The following CNTN5 variants were observed in gnomAD, a reference collection of about 807,000 sequenced individuals.
The protein encoded by CNTN5 is contactin 5, also known as contactin-5.
In CNTN5, 77 loss-of-function variants were observed where a neutral mutation model predicts 129.1. The ratio of observed to expected loss-of-function variants is 0.60; its 90% confidence interval spans 0.50 to 0.72. The LOEUF (loss-of-function observed/expected upper bound fraction) is 0.72. Among genes scored for constraint, CNTN5 ranks in the 30% least tolerant of loss-of-function variants. The pLI is 0.00. For synonymous variants in CNTN5, 509 were observed against 465.6 expected, an observed-to-expected ratio of 1.09 and a Z score of -1.20; for missense variants, 1,478 against 1,328.8, an observed-to-expected ratio of 1.11 and a Z score of -1.75.
At chr11:100,309,689 G>A in intron 21 of CNTN5, 1 of 984,810 alleles carries the variant, frequency 1.0e-6, no homozygotes, top group Non-Finnish European at 1.2e-6. Flanking sequence ...CAATAAATAT[G>A]TTGAATGAAT....
intron 2 of CNTN5, among the ~76,000 whole-genome samples, chr11:99,533,054 C>T (rs961583576): frequency 3.3e-5 from 5 of 152,198 alleles, no homozygotes; most frequent in African/African-American, 1.2e-4. Flanking sequence ...AAAACCACAT[C>T]TCTATCAAAA....
intron 2 of CNTN5, among the ~76,000 whole-genome samples, chr11:99,455,507 G>A (rs1408360445): frequency 1.3e-5 from 2 of 152,058 alleles, no homozygotes; most frequent in Non-Finnish European, 2.9e-5. Context: ...GCCTGGGGCA[G>A]ATATTGAGGA....
chr11:100,210,347 C>CAAA (rs374618789), intron 15 of CNTN5, among the ~76,000 whole-genome samples: 7 of 80,838 alleles, frequency 8.7e-5, no homozygotes, highest in South Asian at 4.6e-4. Context: ...GAGACTATCT[C>CAAA]AAAAAAAAAA....
chr11:99,404,479 A>G (rs1306269943), intron 2 of CNTN5, among the ~76,000 whole-genome samples: 2 of 134,060 alleles, frequency 1.5e-5, no homozygotes, highest in Non-Finnish European at 1.5e-5. Context: ...CTTTGGTGCT[A>G]TGACTTAGTT....
rs77334912 is a variant in CNTN5, at chr11:99,126,427, G to A, written c.-210+105157G>A. 8.4e-3 allele frequency among the ~76,000 whole-genome samples: 1,286 copies of A among 152,262 alleles called. 22 individuals carry two copies. The highest frequency in any genetic ancestry group is 0.029 in the African/African-American group (1,194 of 41,546). ...TTAGGAGTGTGACTAAAGTTGAGAGGCAAGAGATACTGCAGAAAATTTGTG... is the reference window on the plus strand; with the variant it reads ...TTAGGAGTGTGACTAAAGTTGAGAGACAAGAGATACTGCAGAAAATTTGTG... On this transcript the variant is annotated intron_variant, in intron 1 of 24. Coordinates refer to ENST00000524871, the MANE Select transcript of CNTN5 (RefSeq NM_014361.4).
chr11:99,320,495 T>C (rs918320447), intron 1 of CNTN5, among the ~76,000 whole-genome samples: 16 of 152,092 alleles, frequency 1.1e-4, no homozygotes, highest in African/African-American at 3.6e-4. Context: ...AGGTGGCATA[T>C]TGAAGCCATG....
At chr11:99,650,842 C>A (rs1370098867) in intron 3 of CNTN5, among the ~76,000 whole-genome samples, 2 of 151,828 alleles carry the variant, frequency 1.3e-5, no homozygotes, top group East Asian at 1.9e-4. Flanking sequence ...AAGCTAAATG[C>A]CCTAATTATT....
chr11:99,584,928 C>T (rs973129778), intron 3 of CNTN5, among the ~76,000 whole-genome samples: 3 of 91,892 alleles, frequency 3.3e-5, no homozygotes, highest in African/African-American at 7.8e-5. Flanking sequence ...AGGGAAACAA[C>T]TAACAAGATC....
intron 3 of CNTN5, among the ~76,000 whole-genome samples, chr11:99,655,952 A>G (rs915627428): frequency 1.3e-5 from 2 of 152,120 alleles, no homozygotes; most frequent in Admixed American, 1.3e-4. Flanking sequence ...ACGTGTATAT[A>G]CACACATATA....
intron 2 of CNTN5, among the ~76,000 whole-genome samples, chr11:99,495,193 C>A (rs1217748582): frequency 6.6e-6 from 1 of 151,954 alleles, no homozygotes; most frequent in Non-Finnish European, 1.5e-5. Flanking sequence ...ATGATGAAAC[C>A]CCGTCTCTAC....
chr11:100,031,189 A>G (rs1363091324), intron 9 of CNTN5, among the ~76,000 whole-genome samples: 3 of 152,226 alleles, frequency 2.0e-5, no homozygotes, highest in African/African-American at 4.8e-5. Flanking sequence ...CCATGAGCAC[A>G]TGAACTTCTA....
At chr11:100,095,013 T>C (rs1196629236) in intron 13 of CNTN5, among the ~76,000 whole-genome samples, 2 of 152,134 alleles carry the variant, frequency 1.3e-5, no homozygotes, top group Non-Finnish European at 2.9e-5. Context: ...GCTAAGCAAA[T>C]ATAAAGCACT....
chr11:99,746,430 T>A (rs1006944842), intron 3 of CNTN5, among the ~76,000 whole-genome samples: 2 of 152,210 alleles, frequency 1.3e-5, no homozygotes, highest in Non-Finnish European at 2.9e-5. Context: ...CTAGTCTACA[T>A]GAAGGGTCCT....
At chr11:99,552,391 T>A (rs1948521730) in intron 2 of CNTN5, among the ~76,000 whole-genome samples, 1 of 152,046 alleles carries the variant, frequency 6.6e-6, no homozygotes, top group African/African-American at 2.4e-5. Context: ...GATATGACAT[T>A]CTAGTAGGAG....
intron 12 of CNTN5, among the ~76,000 whole-genome samples, chr11:100,072,990 C>CAAAAAA (rs61042118): frequency 0.04 from 3,129 of 78,916 alleles, 222 homozygotes; most frequent in Non-Finnish European, 0.046. Flanking sequence ...TCCCAGGAGG[C>CAAAAAA]AAAAAAAAAA....
intron 1 of CNTN5, among the ~76,000 whole-genome samples, chr11:99,047,636 A>C (rs74330006): frequency 0.032 from 4,865 of 152,090 alleles, 149 homozygotes; most frequent in East Asian, 0.099. Flanking sequence ...ACTGAAAATA[A>C]CTCGTTATTA....
At chr11:100,283,763 T>C (rs777014832) in intron 18 of CNTN5, among the ~76,000 whole-genome samples, 9 of 151,924 alleles carry the variant, frequency 5.9e-5, no homozygotes, top group Admixed American at 2.0e-4. Flanking sequence ...CTGACCAACA[T>C]GGTGAAACAT....
At chr11:99,164,135 G>T (rs1385520219) in intron 1 of CNTN5, among the ~76,000 whole-genome samples, 1 of 151,976 alleles carries the variant, frequency 6.6e-6, no homozygotes, top group African/African-American at 2.4e-5. Context: ...AGACCAGCCT[G>T]GCCAACATGG....
chr11:100,255,979 A>G, intron 17 of CNTN5, 61 bp downstream of exon 17: 3 of 1,473,782 alleles, frequency 2.0e-6, no homozygotes, highest in Non-Finnish European at 2.8e-6. Context: ...CATAAGCTAT[A>G]TTTGGCTAAG....
Sources: gnomAD v4.1 joint callset for allele counts (sites outside exome capture counted in the v4.1 genomes callset) on GRCh38, gnomAD v4.1.1 for gene constraint, MANE v1.5 for transcripts, NCBI Gene and HGNC (gene_info 2026-07-23, HGNC 2026-07-21) for gene names.